Variants in OR9Q1 observed in about 807,000 individuals in gnomAD.
The protein encoded by OR9Q1 is olfactory receptor 9Q1.
For missense variants in OR9Q1, 374 were observed against 378.8 expected (o/e 0.99, Z 0.11); for synonymous variants, 153 against 148.6 (o/e 1.03, Z -0.22).
chr11:58,073,172 A>C (rs1218632244), intron 2 of OR9Q1: 1 of 222,352 alleles, frequency 4.5e-6, no homozygotes. Flanking sequence ...ATAATTAGTC[A>C]CAATGAATGA....
intron 1 of OR9Q1, among the ~76,000 whole-genome samples, chr11:58,053,631 T>TATATATATATAAATTATATATATATAAA (rs1554965497): frequency 0.03 from 893 of 29,350 alleles, 15 homozygotes; most frequent in African/African-American, 0.13. Context: ...ATATATAAAA[T>TATATATATATAAATTATATATATATAAA]ATATATATAT....
intron 2 of OR9Q1, among the ~76,000 whole-genome samples, chr11:58,068,378 G>A (rs555221853): frequency 1.7e-4 from 25 of 151,426 alleles, no homozygotes; most frequent in East Asian, 5.8e-4. Context: ...AAAAAGGCCC[G>A]GGAAACCCAA....
At chr11:58,130,242 TAA>T (rs1212992323) in intron 2 of OR9Q1, among the ~76,000 whole-genome samples, 1 of 152,036 alleles carries the variant, frequency 6.6e-6, no homozygotes, top group African/African-American at 2.4e-5. Context: ...TGGCAAAATA[TAA>T]GAGTGCTGAG....
chr11:58,046,627 T>G (rs1404420577), intron 1 of OR9Q1, among the ~76,000 whole-genome samples: 1 of 152,122 alleles, frequency 6.6e-6, no homozygotes, highest in African/African-American at 2.4e-5. Flanking sequence ...TTTGGGAGGC[T>G]GAGGCGGGTG....
rs76129807 is a variant in OR9Q1, at chr11:58,110,055, G to T, written c.-15+54108G>T. On this transcript the variant is annotated intron_variant, in intron 2 of 2. Transcript: ENST00000335397. ...GCCTCTATGTGGCTTCTTAGGCTGT[G>T]GCTGCATGACTCCAGGCAGGGCCAT... Among the ~76,000 whole-genome samples the T allele has an allele frequency of 1.3e-3, 198 of 152,142 alleles. 2 individuals carry two copies. Among genetic ancestry groups the T allele is most frequent in the Non-Finnish European group, 4.0e-4 (27 of 68,012 alleles).
intron 2 of OR9Q1, among the ~76,000 whole-genome samples, chr11:58,153,478 T>C (rs1590618451): frequency 1.3e-5 from 2 of 151,584 alleles, no homozygotes; most frequent in Admixed American, 1.3e-4. Context: ...GATAATTCAA[T>C]AGGGAAGGGT....
chr11:58,089,462 T>C (rs1003344451), intron 2 of OR9Q1, among the ~76,000 whole-genome samples: 1 of 151,806 alleles, frequency 6.6e-6, no homozygotes, highest in Non-Finnish European at 1.5e-5. Flanking sequence ...GCTGTAGATG[T>C]GTATGTATGG....
chr11:58,155,451 T>G (rs779993849), intron 2 of OR9Q1, among the ~76,000 whole-genome samples: 15 of 152,214 alleles, frequency 9.9e-5, no homozygotes, highest in Non-Finnish European at 1.9e-4. Flanking sequence ...TAGTACTTAC[T>G]TTTAAGGAAG....
At chr11:58,046,349 A>T (rs1276467666) in intron 1 of OR9Q1, among the ~76,000 whole-genome samples, 3 of 152,258 alleles carry the variant, frequency 2.0e-5, no homozygotes, top group Non-Finnish European at 4.4e-5. Context: ...ATGCCTGACT[A>T]AGGTGAGACC....
intron 2 of OR9Q1, among the ~76,000 whole-genome samples, chr11:58,059,299 G>C (rs1348699457): frequency 3.3e-5 from 5 of 152,002 alleles, no homozygotes; most frequent in Admixed American, 2.6e-4. Flanking sequence ...AAAGATAAAG[G>C]CTCAAGTGAA....
intron 1 of OR9Q1, among the ~76,000 whole-genome samples, chr11:58,043,508 C>A (rs898042338): frequency 6.6e-6 from 1 of 152,182 alleles, no homozygotes; most frequent in Admixed American, 6.5e-5. Flanking sequence ...GCTCCAGAGT[C>A]CAGCAGGTAA....
intron 2 of OR9Q1, among the ~76,000 whole-genome samples, chr11:58,063,456 G>T (rs1440189719): frequency 2.0e-5 from 3 of 152,060 alleles, no homozygotes; most frequent in African/African-American, 4.8e-5. Context: ...CACATGCAAA[G>T]GATCTAAAAA....
At chr11:58,040,114 G>A (rs1853146246) in intron 1 of OR9Q1, among the ~76,000 whole-genome samples, 2 of 152,236 alleles carry the variant, frequency 1.3e-5, no homozygotes, top group South Asian at 4.1e-4. Context: ...GGCAGAGCTA[G>A]GGCTTGAAAC....
chr11:58,055,410 T>C (rs1853317962), intron 1 of OR9Q1, among the ~76,000 whole-genome samples: 2 of 152,096 alleles, frequency 1.3e-5, no homozygotes, highest in African/African-American at 4.8e-5. Flanking sequence ...CTAAAATTCA[T>C]GTTGAAACTT....
At chr11:58,053,149 C>T (rs965198798) in intron 1 of OR9Q1, among the ~76,000 whole-genome samples, 149 of 151,756 alleles carry the variant, frequency 9.8e-4, no homozygotes, top group Middle Eastern at 3.4e-3. Flanking sequence ...CACATGCACA[C>T]GTATGCTATT....
chr11:58,081,633 T>C (rs1382459856), intron 2 of OR9Q1, among the ~76,000 whole-genome samples: 1 of 152,040 alleles, frequency 6.6e-6, no homozygotes, highest in African/African-American at 2.4e-5. Context: ...GCAGTGTCTG[T>C]TCATATCCTT....
intron 1 of OR9Q1, among the ~76,000 whole-genome samples, chr11:58,035,200 G>C (rs10792129): frequency 0.26 from 39,538 of 151,830 alleles, 5,693 homozygotes; most frequent in East Asian, 0.6. Flanking sequence ...CTAATTGCAA[G>C]GGTAGTAAAA....
chr11:58,039,810 G>A (rs1590549550), intron 1 of OR9Q1, among the ~76,000 whole-genome samples: 1 of 152,176 alleles, frequency 6.6e-6, no homozygotes. Flanking sequence ...TCCCTTCCAG[G>A]ACATAGCTTA....
Position 58,179,888 on chromosome 11 carries a change from T to G in OR9Q1, c.444T>G (p.Ala148=), listed in dbSNP as rs1435767830. ...QQARLSLVAG[A]YVAGLISALV... ...CCCGCTTGAGTCTTGTGGCTGGGGCTTACGTTGCTGGTCTCATCAGTGCCT... is the reference window on the plus strand; with the variant it reads ...CCCGCTTGAGTCTTGTGGCTGGGGCGTACGTTGCTGGTCTCATCAGTGCCT... Residue 148 remains alanine, a synonymous_variant, in exon 3 of 3, where the codon GCT becomes GCG. Coordinates refer to ENST00000335397, the MANE Select transcript of OR9Q1 (RefSeq NM_001005212.4). 1 of 1,614,072 alleles carries G rather than the reference T, an allele frequency of 6.2e-7. No individual in the cohort carries two copies. Among genetic ancestry groups the G allele is most frequent in the Non-Finnish European group, 8.5e-7 (1 of 1,180,032 alleles).
Sources: gnomAD v4.1 joint callset for allele counts (sites outside exome capture counted in the v4.1 genomes callset) on GRCh38, gnomAD v4.1.1 for gene constraint, MANE v1.5 for transcripts, NCBI Gene and HGNC (gene_info 2026-07-23, HGNC 2026-07-21) for gene names.